Variants in SH3PXD2B observed in about 807,000 individuals in gnomAD.
The protein encoded by SH3PXD2B is SH3 and PX domains 2B.
Under a neutral mutation model 73.1 loss-of-function variants are expected in SH3PXD2B, and 37 were observed. That is an observed-to-expected ratio of 0.51 (90% CI 0.39 to 0.67). The LOEUF is 0.67. Ranked by LOEUF, SH3PXD2B falls within the 30% of genes least tolerant of loss-of-function variation. The probability of loss-of-function intolerance (pLI) is 0.00; values close to 1 mark genes in which losing one functional copy is unlikely to be tolerated. For missense variants in SH3PXD2B, 1,053 were observed against 1,197.8 expected (o/e 0.88, Z 1.78); for synonymous variants, 457 against 480.5 (o/e 0.95, Z 0.64).
At chr5:172,331,489 T>A (rs902963858), downstream of SH3PXD2B, among the ~76,000 whole-genome samples, 1 of 152,190 alleles carries the variant, frequency 6.6e-6, no homozygotes, top group African/African-American at 2.4e-5. Flanking sequence ...AAGAATCTCA[T>A]GTGGCCCAAA....
In SH3PXD2B at chr5:172,346,180, T is replaced by A; in HGVS notation, c.1144A>T (p.Thr382Ser). 6.2e-7 allele frequency: 1 copy of A among 1,614,082 alleles called. No individual in the cohort carries two copies. Among genetic ancestry groups the A allele is most frequent in the South Asian group, 1.1e-5 (1 of 91,078 alleles). Reference protein sequence around the residue: ...EYYTIAEFQTTIPDGISFQAG... With the variant: ...EYYTIAEFQTSIPDGISFQAG... ...TGGAAGCTGATGCCGTCTGGGATGG[T>A]TGTCTGGAATTCGGCGATGGTGTAA... The change falls in exon 12 of 13, where the codon ACC (threonine) becomes TCC (serine). Residue 382 changes from threonine (T) to serine (S), a missense_variant. Coordinates refer to ENST00000311601, the MANE Select transcript of SH3PXD2B (RefSeq NM_001017995.3).
At chr5:172,342,160 C>A (rs1198234194) in intron 12 of SH3PXD2B, among the ~76,000 whole-genome samples, 1 of 152,152 alleles carries the variant, frequency 6.6e-6, no homozygotes, top group African/African-American at 2.4e-5. Flanking sequence ...TGATCTTGAA[C>A]TTCTGGCTTC....
intron 1 of SH3PXD2B, among the ~76,000 whole-genome samples, chr5:172,450,467 T>C (rs997575593): frequency 2.0e-5 from 3 of 152,280 alleles, no homozygotes; most frequent in South Asian, 2.1e-4. Context: ...TTTTATTCTA[T>C]GTATCTATAT....
chr5:172,393,936 T>C (rs934636231), intron 4 of SH3PXD2B, among the ~76,000 whole-genome samples: 25 of 140,164 alleles, frequency 1.8e-4, no homozygotes, highest in Middle Eastern at 3.3e-3. Context: ...TCATTAAAAG[T>C]AGGCTTAAGA....
chr5:172,424,999 C>A (rs960122614), intron 1 of SH3PXD2B, among the ~76,000 whole-genome samples: 1 of 152,134 alleles, frequency 6.6e-6, no homozygotes, highest in African/African-American at 2.4e-5. Flanking sequence ...TTGCGCTCCC[C>A]GTTCCTAGGT....
chr5:172,434,430 A>C (rs1376115628), intron 1 of SH3PXD2B, among the ~76,000 whole-genome samples: 1 of 152,160 alleles, frequency 6.6e-6, no homozygotes, highest in Admixed American at 6.5e-5. Context: ...AAGGGGCTGT[A>C]GCTCTTAGAA....
chr5:172,344,374 G>C (rs1470077735), intron 12 of SH3PXD2B, among the ~76,000 whole-genome samples: 5 of 152,090 alleles, frequency 3.3e-5, no homozygotes, highest in Non-Finnish European at 2.9e-5. Context: ...GATCACCTGA[G>C]GTCAGGAGTT....
rs184253128 is a variant in SH3PXD2B at position 172,392,807 on chromosome 5, A to T, written c.309+1756T>A. On this transcript the variant is annotated intron_variant, in intron 4 of 12. Coordinates refer to ENST00000311601, the MANE Select transcript of SH3PXD2B (RefSeq NM_001017995.3). ...CTCAAAAACAAAAACAAAAACAAATAAACAAACAAAAACTATCCTTTTGCC... is the reference window on the plus strand; with the variant it reads ...CTCAAAAACAAAAACAAAAACAAATTAACAAACAAAAACTATCCTTTTGCC... 2.3e-4 allele frequency among the ~76,000 whole-genome samples: 35 copies of T among 151,094 alleles called. No homozygotes were observed. In the East Asian group the frequency reaches 6.8e-3, roughly 29 times the overall value.
chr5:172,437,287 T>C (rs950030613), intron 1 of SH3PXD2B, among the ~76,000 whole-genome samples: 2 of 152,176 alleles, frequency 1.3e-5, no homozygotes, highest in Non-Finnish European at 2.9e-5. Flanking sequence ...TTCTGATCTG[T>C]TGACTGTCCC....
At chr5:172,343,976 AAAG>A (rs1445448088) in intron 12 of SH3PXD2B, among the ~76,000 whole-genome samples, 2 of 152,028 alleles carry the variant, frequency 1.3e-5, no homozygotes, top group Non-Finnish European at 2.9e-5. Context: ...GAAAAAAAAA[AAAG>A]AAAAACAAAC....
At chr5:172,385,534 C>T (rs1758041358) in intron 4 of SH3PXD2B, among the ~76,000 whole-genome samples, 1 of 152,178 alleles carries the variant, frequency 6.6e-6, no homozygotes, top group South Asian at 2.1e-4. Context: ...CTAGACAGTG[C>T]TGGGGAGACC....
intron 4 of SH3PXD2B, among the ~76,000 whole-genome samples, chr5:172,393,011 G>A (rs1232518727): frequency 6.6e-6 from 1 of 152,104 alleles, no homozygotes; most frequent in Non-Finnish European, 1.5e-5. Context: ...CTCATCTAAC[G>A]TTGTTCTTTT....
At chr5:172,384,066 C>T (rs974968222) in intron 4 of SH3PXD2B, among the ~76,000 whole-genome samples, 7 of 152,030 alleles carry the variant, frequency 4.6e-5, no homozygotes, top group African/African-American at 1.4e-4. Context: ...AGGATAGTCT[C>T]GATCTCCTGA....
intron 2 of SH3PXD2B, among the ~76,000 whole-genome samples, chr5:172,419,031 G>A (rs1298276684): frequency 1.3e-5 from 2 of 152,130 alleles, no homozygotes; most frequent in African/African-American, 2.4e-5. Context: ...TGAGCCAGGT[G>A]CGTCCGCTTA....
downstream of SH3PXD2B, among the ~76,000 whole-genome samples, chr5:172,332,737 G>A (rs909645952): frequency 6.6e-6 from 1 of 151,968 alleles, no homozygotes; most frequent in African/African-American, 2.4e-5. Context: ...CTCTCCTTAG[G>A]AAGGTGGGGT....
At chr5:172,434,367 C>T (rs921155988) in intron 1 of SH3PXD2B, among the ~76,000 whole-genome samples, 14 of 152,258 alleles carry the variant, frequency 9.2e-5, no homozygotes, top group African/African-American at 2.9e-4. Flanking sequence ...CCCCGGCACC[C>T]CTGGGTTAGC....
chr5:172,366,606 T>C (rs934225469), intron 6 of SH3PXD2B, among the ~76,000 whole-genome samples: 3 of 151,670 alleles, frequency 2.0e-5, no homozygotes, highest in African/African-American at 7.2e-5. Context: ...GACCCTGCAA[T>C]TTATTTATTT....
chr5:172,396,447 C>T (rs1043456181), intron 3 of SH3PXD2B, among the ~76,000 whole-genome samples: 3 of 151,864 alleles, frequency 2.0e-5, no homozygotes, highest in Non-Finnish European at 2.9e-5. Flanking sequence ...TGAAAAACAA[C>T]CCTACTGACT....
At chr5:172,354,708 C>T (rs1348605363) in intron 8 of SH3PXD2B, among the ~76,000 whole-genome samples, 3 of 152,190 alleles carry the variant, frequency 2.0e-5, no homozygotes, top group African/African-American at 4.8e-5. Context: ...ATTTTCATTA[C>T]CTTGCCGGCA....
Sources: gnomAD v4.1 joint callset for allele counts (sites outside exome capture counted in the v4.1 genomes callset) on GRCh38, gnomAD v4.1.1 for gene constraint, MANE v1.5 for transcripts, NCBI Gene and HGNC (gene_info 2026-07-23, HGNC 2026-07-21) for gene names.